The following SFSWAP variants were observed in gnomAD, a reference collection of about 807,000 sequenced individuals.
SFSWAP encodes the protein splicing factor, suppressor of white-apricot homolog.
Under a neutral mutation model 100.7 loss-of-function variants are expected in SFSWAP, and 17 were observed. The ratio of observed to expected loss-of-function variants is 0.17; its 90% CI spans 0.12 to 0.25. The LOEUF (loss-of-function observed/expected upper bound fraction) is 0.25, where lower values mean the gene tolerates loss of function less well. SFSWAP is among the 10% of genes least tolerant of loss of function. The probability of loss-of-function intolerance (pLI) is 1.00; values close to 1 mark genes in which losing one functional copy is unlikely to be tolerated. For synonymous variants in SFSWAP, 504 were observed against 510.1 expected, an observed-to-expected ratio of 0.99 and a Z score of 0.16; for missense variants, 1,005 against 1,262.6, an observed-to-expected ratio of 0.80 and a Z score of 3.09.
At chr12:131,737,558 G>C (rs1358037201) in intron 7 of SFSWAP, among the ~76,000 whole-genome samples, 2 of 152,038 alleles carry the variant, frequency 1.3e-5, no homozygotes, top group Admixed American at 1.3e-4. Context: ...GTGTGTTTTT[G>C]TTTAGGCGGA....
rs554751058 is a variant in SFSWAP at position 131,725,884 on chromosome 12, G to A, written c.832+254G>A. 2.0e-5 allele frequency among the ~76,000 whole-genome samples: 3 copies of A among 152,218 alleles called. No homozygotes were observed. Among genetic ancestry groups the A allele is most frequent in the Non-Finnish European group, 4.4e-5 (3 of 68,018 alleles). ...ATATAACTAAATATTGATGCTGTCA[G>A]AACATAATCATCTGGGTGGGAAATT... On this transcript the variant is annotated intron_variant, in intron 5 of 17. Coordinates refer to ENST00000261674, the MANE Select transcript of SFSWAP (RefSeq NM_004592.4). This position sits in a 1 kb window ranked among gnomAD's most constrained non-coding sequence, Gnocchi z 4.3.
At chr12:131,767,650 T>A (rs1883224101) in intron 13 of SFSWAP, among the ~76,000 whole-genome samples, 1 of 152,256 alleles carries the variant, frequency 6.6e-6, no homozygotes, top group Non-Finnish European at 1.5e-5. Context: ...GGTTTTATGT[T>A]ATTTCAAGAA....
At chr12:131,738,885 CTTTTTTTTTT>C (rs71072785) in intron 7 of SFSWAP, among the ~76,000 whole-genome samples, 1 of 48,718 alleles carries the variant, frequency 2.1e-5, no homozygotes, top group Admixed American at 4.1e-4. Context: ...GAACATTATT[CTTTTTTTTTT>C]TTTTTTTTTT....
intron 15 of SFSWAP, among the ~76,000 whole-genome samples, chr12:131,789,045 A>G (rs577429245): frequency 5.9e-5 from 9 of 151,876 alleles, no homozygotes; most frequent in Admixed American, 4.6e-4. Context: ...CAGTGGCACA[A>G]TCTCAGCTCA....
chr12:131,754,852 C>CA (rs1882013707), intron 9 of SFSWAP, among the ~76,000 whole-genome samples: 1 of 151,972 alleles, frequency 6.6e-6, no homozygotes, highest in South Asian at 2.1e-4. Flanking sequence ...AGGCTGGTCT[C>CA]AAACTCCTGA....
intron 7 of SFSWAP, 116 bp from the exon 8 acceptor site, chr12:131,753,007 A>G: frequency 2.8e-6 from 4 of 1,443,288 alleles, no homozygotes; most frequent in Non-Finnish European, 3.8e-6. Flanking sequence ...CATGGTTGGA[A>G]GTGAGCAGAG....
rs753636868 is a variant in SFSWAP, at chr12:131,714,794, G to A, written c.389-28G>A. The stretch of plus-strand genomic sequence containing the variant: ...TTTTTCTCAGTAATTTTCTATTTTT[G>A]TTGATAAAATTCTCATTTTTATTCA... On this transcript the variant is annotated intron_variant, in intron 2 of 17. Coordinates refer to ENST00000261674, the MANE Select transcript of SFSWAP (RefSeq NM_004592.4). This position sits in a 1 kb window ranked among gnomAD's most constrained non-coding sequence, Gnocchi z 6.0. The A allele has an allele frequency of 1.9e-6, 3 of 1,599,632 alleles. No individual in the cohort carries two copies. The highest frequency in any genetic ancestry group is 1.7e-5 in the Admixed American group (1 of 59,492).
Position 131,711,097 on chromosome 12 carries a change from G to A in SFSWAP, c.-133G>A. On this transcript the variant is annotated 5_prime_UTR_variant, in exon 1 of 18. Coordinates refer to ENST00000261674, the MANE Select transcript of SFSWAP (RefSeq NM_004592.4). The surrounding 1 kb of genome is among the most constrained non-coding windows in gnomAD (Gnocchi z 4.9). Reference sequence around the variant, plus strand: ...GGAAGCTGCCCCTCCACCATTTTGTGGCCCGCTATGGCGGCGGTGTTGAGG... The same window carrying A: ...GGAAGCTGCCCCTCCACCATTTTGTAGCCCGCTATGGCGGCGGTGTTGAGG... The A allele has an allele frequency of 2.8e-6, 2 of 707,454 alleles. No individual in the cohort carries two copies. Among genetic ancestry groups the A allele is most frequent in the East Asian group, 5.6e-5 (2 of 35,650 alleles). 43.8% of individuals were successfully genotyped at this position (707,454 alleles called of 1,614,324 possible).
chr12:131,727,111 AT>A, intron 6 of SFSWAP, 59 bp downstream of exon 6: 2 of 948,240 alleles, frequency 2.1e-6, no homozygotes, highest in South Asian at 2.9e-5. Flanking sequence ...TGCTAATGTA[AT>A]TTTGGAAAAT....
rs1254110894 is a variant in SFSWAP at position 131,799,091 on chromosome 12, G to A, written c.2772G>A (p.Val924=). Residue 924 remains valine (V), a synonymous_variant, in exon 17 of 18, where the codon GTG becomes GTA. Coordinates refer to ENST00000261674, the MANE Select transcript of SFSWAP (RefSeq NM_004592.4). ...TCTCTTCAGCAATCGTTTCTTCCGT[G>A]CAGAGCAAAATCACTCAGGTCAGTG... The part of the protein sequence containing the change: ...AQISSAIVSS[V]QSKITQDLMA... 1.2e-6 allele frequency: 2 copies of A among 1,614,062 alleles called. No homozygotes were observed. The highest frequency in any genetic ancestry group is 1.7e-5 in the Admixed American group (1 of 60,018).
intron 15 of SFSWAP, chr12:131,796,014 G>GGGAGA (rs1252126356): frequency 4.0e-5 from 1 of 24,930 alleles, no homozygotes; most frequent in Non-Finnish European, 9.1e-5. Context: ...GGGAGGGGAG[G>GGGAGA]GGAGAGGGGG....
chr12:131,772,085 T>G (rs1566045351), intron 13 of SFSWAP, among the ~76,000 whole-genome samples: 1 of 152,210 alleles, frequency 6.6e-6, no homozygotes, highest in Admixed American at 6.5e-5. Context: ...TGTTAGCTGT[T>G]TGTCATCAGT....
Position 131,714,925 on chromosome 12 carries a change from G to A in SFSWAP, c.492G>A (p.Thr164=), listed in dbSNP as rs752463676. 9.9e-6 allele frequency: 16 copies of A among 1,613,918 alleles called. 1 individual carries two copies. Among genetic ancestry groups the A allele is most frequent in the Admixed American group, 3.3e-5 (2 of 60,018 alleles). Residue 164 remains threonine (T), a synonymous_variant, in exon 3 of 18, where the codon ACG becomes ACA. Coordinates refer to ENST00000261674, the MANE Select transcript of SFSWAP (RefSeq NM_004592.4). This position sits in a 1 kb window ranked among gnomAD's most constrained non-coding sequence, Gnocchi z 6.0. Reference sequence around the variant, plus strand: ...ACTATTACGACCCGTCAGAGCCGACGGAGGAGGAGGAGCCTTCCAAACAGA... The same window carrying A: ...ACTATTACGACCCGTCAGAGCCGACAGAGGAGGAGGAGCCTTCCAAACAGA... The part of the protein sequence containing the change: ...GSDYYDPSEP[T]EEEEPSKQRE...
chr12:131,748,409 C>T (rs934511518), intron 7 of SFSWAP, among the ~76,000 whole-genome samples: 4 of 152,150 alleles, frequency 2.6e-5, no homozygotes, highest in Non-Finnish European at 5.9e-5. Context: ...ATCCCCCGAC[C>T]TTGGCCTCCC....
At chr12:131,768,728 C>T (rs1029207321) in intron 13 of SFSWAP, among the ~76,000 whole-genome samples, 3 of 152,190 alleles carry the variant, frequency 2.0e-5, no homozygotes, top group Non-Finnish European at 4.4e-5. Context: ...CCCGGGACGC[C>T]GTCTCACAGC....
intron 17 of SFSWAP, 80 bp from the exon 18 acceptor site, chr12:131,799,343 A>G (rs1045215838): frequency 2.1e-6 from 3 of 1,450,088 alleles, no homozygotes; most frequent in Non-Finnish European, 2.9e-6. Flanking sequence ...TTGACCACCA[A>G]CTCGTTGATG....
chr12:131,773,032 G>T (rs1426624354), intron 13 of SFSWAP, among the ~76,000 whole-genome samples: 3 of 152,152 alleles, frequency 2.0e-5, no homozygotes, highest in Non-Finnish European at 4.4e-5. Context: ...TTCTGTGTGT[G>T]TCCCCTTTGT....
At chr12:131,738,916 G>A (rs562396834) in intron 7 of SFSWAP, among the ~76,000 whole-genome samples, 1 of 23,074 alleles carries the variant, frequency 4.3e-5, no homozygotes, top group Non-Finnish European at 3.2e-4. Flanking sequence ...TTTTGAGACA[G>A]GGTCTCTCGC....
intron 9 of SFSWAP, 103 bp downstream of exon 9, chr12:131,754,602 T>C (rs1881978885): frequency 4.0e-6 from 3 of 759,056 alleles, no homozygotes; most frequent in Non-Finnish European, 5.6e-6. Context: ...TTATATATTT[T>C]TAAGCCTTTT....
Sources: gnomAD v4.1 joint callset for allele counts (sites outside exome capture counted in the v4.1 genomes callset) on GRCh38, gnomAD v4.1.1 for gene constraint, Gnocchi (gnomAD v3.1) non-coding constraint, MANE v1.5 for transcripts, NCBI Gene and HGNC (gene_info 2026-07-23, HGNC 2026-07-21) for gene names.